C8B: variants seen among roughly 807,000 people sequenced by gnomAD.
C8B encodes the protein complement component C8 beta chain.
C8B carries 67 observed loss-of-function variants against 64.6 expected under a neutral mutation model. The observed-to-expected ratio is 1.04, with a 90% CI of 0.85 to 1.27. The LOEUF is 1.27. Ranked by LOEUF, C8B falls within the 50% of genes most tolerant of loss-of-function variation. C8B has a pLI of 0.00. For synonymous variants in C8B, 284 were observed against 257.7 expected, an observed-to-expected ratio of 1.10 and a Z score of -0.98; for missense variants, 790 against 725.2, an observed-to-expected ratio of 1.09 and a Z score of -1.03.
chr1:56,938,188 ACTCT>A (rs1401485323), intron 9 of C8B, among the ~76,000 whole-genome samples: 10 of 151,978 alleles, frequency 6.6e-5, no homozygotes, highest in African/African-American at 1.2e-4. Flanking sequence ...CTACTCCTGT[ACTCT>A]CTGTCTATCG....
intron 4 of C8B, 35 bp downstream of exon 4, chr1:56,954,651 C>T (rs1468113683): frequency 6.2e-7 from 1 of 1,613,466 alleles, no homozygotes; most frequent in South Asian, 1.1e-5. Flanking sequence ...AATGCTGTGC[C>T]TTCCCATCTA....
chr1:56,932,146 T>C (rs1222676753), intron 10 of C8B, among the ~76,000 whole-genome samples: 1 of 152,204 alleles, frequency 6.6e-6, no homozygotes, highest in Non-Finnish European at 1.5e-5. Context: ...CATACTTAAA[T>C]GCTTTCAGTG....
At chr1:56,959,705 A>G in intron 2 of C8B, 5 of 1,145,886 alleles carry the variant, frequency 4.4e-6, no homozygotes, top group South Asian at 2.9e-5. Flanking sequence ...GGGCAAAGAC[A>G]ACTCAGACAT....
intron 9 of C8B, 59 bp downstream of exon 9, chr1:56,940,790 A>G: frequency 1.3e-6 from 2 of 1,598,700 alleles, no homozygotes; most frequent in Non-Finnish European, 1.7e-6. Context: ...GGCTCATGGT[A>G]GGTCCTCAGA....
At chr1:56,949,493 T>A in intron 6 of C8B, 62 bp downstream of exon 6, 2 of 1,399,798 alleles carry the variant, frequency 1.4e-6, no homozygotes, top group Non-Finnish European at 2.0e-6. Flanking sequence ...GGTGTTTTGT[T>A]ACAGCAGCAG....
Position 56,940,874 on chromosome 1 carries a change from T to TA in C8B, c.1372dup (p.Tyr458LeufsTer9). On this transcript the variant is annotated frameshift_variant, in exon 9 of 12. Transcript: ENST00000371237. LOFTEE classifies it high-confidence loss of function. ...CTTAACTTTGATGATGGCTGGGTTG[T>TA]ACTGCACAGCGTCTCCCCACTCCTG... is the stretch of plus-strand genomic sequence containing the variant. 9 of 1,614,038 alleles carry TA rather than the reference T, an allele frequency of 5.6e-6. No homozygotes were observed. The highest frequency in any genetic ancestry group is 7.6e-6 in the Non-Finnish European group (9 of 1,179,998).
In C8B at chr1:56,954,334, A is replaced by C. The variant is rs184854419; in HGVS notation, c.533+352T>G. ...TGCCAAGTTGTCAATAGGATTCAAG[A>C]ATGTAAGGCTTAGAAAGCACCTAAC... is the stretch of plus-strand genomic sequence containing the variant. On this transcript the variant is annotated intron_variant, in intron 4 of 11. Coordinates refer to ENST00000371237, the MANE Select transcript of C8B (RefSeq NM_000066.4). 1.3e-4 allele frequency among the ~76,000 whole-genome samples: 20 copies of C among 152,270 alleles called. No individual in the cohort carries two copies. The East Asian group carries it at 3.7e-3, about 28-fold the overall frequency.
Position 56,929,374 on chromosome 1 carries a change from A to G in C8B, c.*30T>C, listed in dbSNP as rs747689251. On this transcript the variant is annotated 3_prime_UTR_variant, in exon 12 of 12. Coordinates refer to ENST00000371237, the MANE Select transcript of C8B (RefSeq NM_000066.4). ...GAGTTCTTGAGGGCTCAGGGCTCTCATTGTATGTAGCCCACTGCTGTATCA... is the reference window on the plus strand; with the variant it reads ...GAGTTCTTGAGGGCTCAGGGCTCTCGTTGTATGTAGCCCACTGCTGTATCA... The G allele has an allele frequency of 3.1e-6, 5 of 1,610,824 alleles. No homozygotes were observed. In the South Asian group the frequency reaches 5.5e-5, roughly 18 times the overall value.
Position 56,929,215 on chromosome 1 carries a change from C to G in C8B, c.*189G>C. 4.7e-6 allele frequency: 3 copies of G among 640,928 alleles called. No individual in the cohort carries two copies. Among genetic ancestry groups the G allele is most frequent in the Non-Finnish European group, 8.4e-6 (3 of 357,692 alleles). The allele number at this position is 640,928 out of a possible 1,614,324, so 39.7% of individuals were successfully genotyped here. A position where few individuals can be genotyped will look rare whatever the true frequency, so the allele number is the denominator to read the frequency against. On this transcript the variant is annotated 3_prime_UTR_variant, in exon 12 of 12. Coordinates refer to ENST00000371237, the MANE Select transcript of C8B (RefSeq NM_000066.4). ...GGTGAGGATTACAAAGATGCTTAAG[C>G]CTTTAACTCAGTATTTATTTAAATC...
chr1:56,933,742 A>C (rs1644736707), intron 9 of C8B, among the ~76,000 whole-genome samples: 1 of 152,194 alleles, frequency 6.6e-6, no homozygotes, highest in South Asian at 2.1e-4. Context: ...AAAATGAGTA[A>C]GATAAAATCC....
intron 6 of C8B, among the ~76,000 whole-genome samples, chr1:56,947,691 G>A (rs1345085588): frequency 1.3e-5 from 2 of 152,096 alleles, no homozygotes; most frequent in African/African-American, 4.8e-5. Context: ...CAGCACTTTG[G>A]GAGGCCAAGG....
At chr1:56,933,757 T>A (rs1018923524) in intron 9 of C8B, among the ~76,000 whole-genome samples, 2 of 152,126 alleles carry the variant, frequency 1.3e-5, no homozygotes, top group Non-Finnish European at 2.9e-5. Context: ...AAATCCCTAC[T>A]CTCAAGGAAC....
chr1:56,960,364 TATTA>T (rs956124933), intron 1 of C8B, among the ~76,000 whole-genome samples, 188 bp from the exon 2 acceptor site: 8 of 152,224 alleles, frequency 5.3e-5, no homozygotes, highest in East Asian at 1.9e-4. Flanking sequence ...AACAATGAAA[TATTA>T]ATTAATTCCA....
intron 8 of C8B, 97 bp downstream of exon 8, chr1:56,943,599 G>T: frequency 7.0e-7 from 1 of 1,427,638 alleles, no homozygotes; most frequent in Non-Finnish European, 9.9e-7. Flanking sequence ...AGTTGGGATA[G>T]TATTTGTCTC....
In C8B at chr1:56,933,368, G is replaced by A; in HGVS notation, c.1519C>T (p.Pro507Ser). The change falls in exon 10 of 12, where the codon CCC becomes TCC. Residue 507 changes from proline (P) to serine (S), a missense_variant. Transcript: ENST00000371237. ...ACAGGGACTCCATTTCCTTGGCAGG[G>A]AGCACAGTGGCAGGAACTAACTTCC... ...QKEVSSCHCAPCQGNGVPVLK... is the reference protein window; with the variant it reads ...QKEVSSCHCASCQGNGVPVLK... 6.2e-7 allele frequency: 1 copy of A among 1,613,766 alleles called. No homozygotes were observed. The highest frequency in any genetic ancestry group is 8.5e-7 in the Non-Finnish European group (1 of 1,179,690).
Position 56,929,461 on chromosome 1 carries a change from A to G in C8B, c.1719T>C (p.Pro573=), listed in dbSNP as rs1425612647. ...CTGAACAGGGGCTACCCCCATTTTG[A>G]GGAGGTGGATTGTTACACTGCCTTT... is the stretch of plus-strand genomic sequence containing the variant. ...TRQRQCNNPP[P]QNGGSPCSGP... The change falls in exon 12 of 12, where the codon CCT becomes CCC. Residue 573 remains proline, a synonymous_variant. Transcript: ENST00000371237. 2 of 1,612,898 alleles carry G rather than the reference A, an allele frequency of 1.2e-6. No homozygotes were observed. The highest frequency in any genetic ancestry group is 1.7e-6 in the Non-Finnish European group (2 of 1,179,930).
At chr1:56,952,221 G>T (rs781012145) in intron 4 of C8B, 41 bp from the exon 5 acceptor site, 2 of 1,612,490 alleles carry the variant, frequency 1.2e-6, no homozygotes, top group East Asian at 4.5e-5. Flanking sequence ...GTTAAAGTTT[G>T]CGGTTGCTTA....
intron 4 of C8B, among the ~76,000 whole-genome samples, chr1:56,954,177 C>T (rs1323033429): frequency 6.6e-6 from 1 of 152,076 alleles, no homozygotes; most frequent in Non-Finnish European, 1.5e-5. Flanking sequence ...CCTCTGTCCT[C>T]GCTAGAGGAC....
rs781252180 is a variant in C8B at position 56,965,881 on chromosome 1, C to T, written c.68G>A (p.Gly23Asp). 5 of 1,614,076 alleles carry T rather than the reference C, an allele frequency of 3.1e-6. No homozygotes were observed. In the East Asian group the frequency reaches 8.9e-5, roughly 29 times the overall value. Residue 23 changes from glycine to aspartate, a missense_variant, in exon 1 of 12, where the codon GGC becomes GAC. Gly to Asp is a moderately conservative substitution (Grantham distance 94, BLOSUM62 -1). Transcript: ENST00000371237. The part of the protein sequence containing the change: ...VELFLLCAAL[G>D]CLSLPGSRGE... ...CCTGGAGCCAGGCAAACTGAGACAG[C>T]CCAGGGCAGCACAGAGAAGAAATAG...
Sources: gnomAD v4.1 joint callset for allele counts (sites outside exome capture counted in the v4.1 genomes callset) on GRCh38, gnomAD v4.1.1 for gene constraint, MANE v1.5 for transcripts, NCBI Gene and HGNC (gene_info 2026-07-23, HGNC 2026-07-21) for gene names.